Variants in SFXN5 observed in about 807,000 individuals in gnomAD.
The protein encoded by SFXN5 is sideroflexin-5.
SFXN5 carries 43 observed loss-of-function variants against 50.2 expected under a neutral mutation model. The ratio of observed to expected loss-of-function variants is 0.86; its 90% CI spans 0.67 to 1.11. The LOEUF (loss-of-function observed/expected upper bound fraction) is 1.11. Among genes scored for constraint, SFXN5 ranks in the 50% least tolerant of loss-of-function variants. The pLI, the probability that SFXN5 is intolerant of heterozygous loss-of-function variation, is 0.00. For missense variants in SFXN5, 463 were observed against 454.1 expected (o/e 1.02, Z -0.18); for synonymous variants, 203 against 185.8 (o/e 1.09, Z -0.75).
At chr2:73,065,626 A>C (rs971428790) in intron 1 of SFXN5, among the ~76,000 whole-genome samples, 4 of 149,012 alleles carry the variant, frequency 2.7e-5, no homozygotes, top group Non-Finnish European at 6.0e-5. Flanking sequence ...TGAACTCCTG[A>C]CCTCAAGTGA....
intron 5 of SFXN5, 98 bp from the exon 6 acceptor site, chr2:73,020,362 C>T: frequency 2.4e-6 from 3 of 1,241,556 alleles, no homozygotes; most frequent in South Asian, 2.6e-5. Context: ...TATCAGTGGC[C>T]CTGATGAAGG....
At chr2:73,059,632 C>G in intron 1 of SFXN5, 1 of 872,458 alleles carries the variant, frequency 1.1e-6, no homozygotes, top group Non-Finnish European at 1.4e-6. Flanking sequence ...GGCACCCCTG[C>G]ATGAAGCAAC....
intron 6 of SFXN5, among the ~76,000 whole-genome samples, chr2:73,017,400 C>G (rs1676304177): frequency 6.6e-6 from 1 of 152,086 alleles, no homozygotes; most frequent in Non-Finnish European, 1.5e-5. Flanking sequence ...GGAATGCCAA[C>G]AGAAATCAGT....
intron 13 of SFXN5, chr2:72,957,129 C>A (rs1278555644): frequency 2.2e-6 from 1 of 455,086 alleles, no homozygotes; most frequent in Non-Finnish European, 4.4e-6. Flanking sequence ...TCCCCTTTCT[C>A]AGCTTCAACT....
intron 6 of SFXN5, among the ~76,000 whole-genome samples, chr2:73,016,580 C>T (rs960430519): frequency 6.6e-6 from 1 of 152,126 alleles, no homozygotes; most frequent in African/African-American, 2.4e-5. Context: ...AGGTGCATGC[C>T]TGTAATCCCA....
At chr2:72,962,955 C>T (rs1231605720) in intron 12 of SFXN5, among the ~76,000 whole-genome samples, 1 of 152,188 alleles carries the variant, frequency 6.6e-6, no homozygotes, top group Non-Finnish European at 1.5e-5. Flanking sequence ...TCCAGCACCC[C>T]CACCCTCTCT....
At chr2:73,039,730 G>A (rs1386361810) in intron 3 of SFXN5, among the ~76,000 whole-genome samples, 1 of 152,126 alleles carries the variant, frequency 6.6e-6, no homozygotes, top group South Asian at 2.1e-4. Context: ...ACAGGCATGG[G>A]AACTGGGGAG....
At chr2:73,036,668 C>T (rs1574188435) in intron 3 of SFXN5, among the ~76,000 whole-genome samples, 1 of 151,934 alleles carries the variant, frequency 6.6e-6, no homozygotes, top group African/African-American at 2.4e-5. Context: ...GGAAGGGGTC[C>T]CAAGAGGCCA....
At chr2:72,995,186 G>T (rs913546309) in intron 9 of SFXN5, among the ~76,000 whole-genome samples, 1 of 152,168 alleles carries the variant, frequency 6.6e-6, no homozygotes, top group Non-Finnish European at 1.5e-5. Context: ...TCTCACCCTC[G>T]TGTAGCCGGG....
Position 72,948,697 on chromosome 2 carries a change from G to A in SFXN5, c.946-3598C>T, listed in dbSNP as rs559071965. ...GCACCCCGTCTCCCATGGGCTCCCC[G>A]CCACACACAGGGCAGCAGGTAGGAG... On this transcript the variant is annotated intron_variant, in intron 13 of 13. Coordinates refer to ENST00000272433, the MANE Select transcript of SFXN5 (RefSeq NM_144579.3). 2.3e-4 allele frequency among the ~76,000 whole-genome samples: 35 copies of A among 152,296 alleles called. 1 individual carries two copies. The highest frequency in any genetic ancestry group is 1.9e-3 in the East Asian group (10 of 5,182).
intron 11 of SFXN5, among the ~76,000 whole-genome samples, chr2:72,969,919 C>T (rs1281526451): frequency 6.6e-6 from 1 of 152,050 alleles, no homozygotes; most frequent in Non-Finnish European, 1.5e-5. Context: ...GAACACAGCT[C>T]AGTGGCAATT....
chr2:72,950,988 C>T lies in SFXN5; in HGVS notation c.946-5889G>A, dbSNP rs1672469068. On this transcript the variant is annotated intron_variant, in intron 13 of 13. Transcript: ENST00000272433. The surrounding 1 kb of genome is among the most constrained non-coding windows in gnomAD (Gnocchi z 4.2). ...GAATCCGTGGGCCCATCATCTCTTCCATCTGGTAGGCTCCTCCCCGGGCAC... is the reference window on the plus strand; with the variant it reads ...GAATCCGTGGGCCCATCATCTCTTCTATCTGGTAGGCTCCTCCCCGGGCAC... 6.6e-6 allele frequency among the ~76,000 whole-genome samples: 1 copy of T among 152,202 alleles called. No individual in the cohort carries two copies. Among genetic ancestry groups the T allele is most frequent in the African/African-American group, 2.4e-5 (1 of 41,438 alleles).
rs944746201 is a variant in SFXN5 at position 72,961,552 on chromosome 2, G to A, written c.828-304C>T. Among the ~76,000 whole-genome samples, 4 of 152,184 alleles carry A rather than the reference G, an allele frequency of 2.6e-5. No individual in the cohort carries two copies. The highest frequency in any genetic ancestry group is 4.4e-5 in the Non-Finnish European group (3 of 68,014). On this transcript the variant is annotated intron_variant, in intron 12 of 13. Transcript: ENST00000272433. This position sits in a 1 kb window ranked among gnomAD's most constrained non-coding sequence, Gnocchi z 4.4. ...ACCCACCCGCCACGCGTCCAGCCCC[G>A]TGCCAAGAAGGCCCTATGTGGGAGA...
intron 3 of SFXN5, among the ~76,000 whole-genome samples, chr2:73,027,490 T>A (rs1364578428): frequency 6.6e-6 from 1 of 152,164 alleles, no homozygotes; most frequent in Non-Finnish European, 1.5e-5. Flanking sequence ...GAGCATTTTT[T>A]AAATAAATTT....
At chr2:72,962,398 C>T (rs1673852374) in intron 12 of SFXN5, among the ~76,000 whole-genome samples, 1 of 152,246 alleles carries the variant, frequency 6.6e-6, no homozygotes, top group Non-Finnish European at 1.5e-5. Context: ...AGAATCCCAA[C>T]AGCAACTGGC....
Position 73,070,608 on chromosome 2 carries a change from G to A in SFXN5, c.102+996C>T, listed in dbSNP as rs896862323. ...ATTGGTGCGGGAGGCGCGGGAGCCC[G>A]AGGGTCTGCGGCGCGGGAGCGGCCC... On this transcript the variant is annotated intron_variant, in intron 1 of 13. Transcript: ENST00000272433. 4 of 151,882 alleles carry A rather than the reference G, an allele frequency of 2.6e-5. 1 individual carries two copies. The South Asian group carries it at 8.3e-4, about 32-fold the overall frequency. The allele number at this position is 151,882 out of a possible 1,614,324, so 9.4% of individuals were successfully genotyped here. A position where few individuals can be genotyped will look rare whatever the true frequency, so the allele number is the denominator to read the frequency against.
rs1671885947 is a variant in SFXN5, at chr2:72,945,989, T to C, written c.946-890A>G. On this transcript the variant is annotated intron_variant, in intron 13 of 13. Transcript: ENST00000272433. This position sits in a 1 kb window ranked among gnomAD's most constrained non-coding sequence, Gnocchi z 5.8. ...TTATTTAGGGAAAAAGCTGAAGGTG[T>C]CAGAGGCGAAACCCTCAGCTTCCCA... is the stretch of plus-strand genomic sequence containing the variant. Among the ~76,000 whole-genome samples, 4 of 151,970 alleles carry C rather than the reference T, an allele frequency of 2.6e-5. No homozygotes were observed. Among genetic ancestry groups the C allele is most frequent in the Admixed American group, 1.3e-4 (2 of 15,248 alleles).
intron 1 of SFXN5, among the ~76,000 whole-genome samples, chr2:73,058,852 C>T (rs1029476901): frequency 1.3e-5 from 2 of 152,134 alleles, no homozygotes; most frequent in African/African-American, 4.8e-5. Flanking sequence ...CTTCCATTTT[C>T]CCCTCTCTCT....
chr2:72,996,289 C>A lies in SFXN5; in HGVS notation c.534+2660G>T, dbSNP rs116446580. Among the ~76,000 whole-genome samples, 461 of 152,222 alleles carry A rather than the reference C, an allele frequency of 3.0e-3. 1 individual carries two copies. The highest frequency in any genetic ancestry group is 0.011 in the African/African-American group (441 of 41,554). On this transcript the variant is annotated intron_variant, in intron 9 of 13. Transcript: ENST00000272433. The stretch of plus-strand genomic sequence containing the variant: ...AGTCCCCAGCACAGGCACAGCCCCG[C>A]GTGAGGCCCCAGCCCCTGCCCAGCA...
Sources: gnomAD v4.1 joint callset for allele counts (sites outside exome capture counted in the v4.1 genomes callset) on GRCh38, gnomAD v4.1.1 for gene constraint, Gnocchi (gnomAD v3.1) non-coding constraint, MANE v1.5 for transcripts, NCBI Gene and HGNC (gene_info 2026-07-23, HGNC 2026-07-21) for gene names.